The following ACYP2 variants were observed in gnomAD, a reference collection of about 807,000 sequenced individuals.
ACYP2 encodes the protein acylphosphatase 2, also known as acylphosphatase-2.
Under a neutral mutation model 11.2 loss-of-function variants are expected in ACYP2, and 12 were observed. The ratio of observed to expected loss-of-function variants is 1.08; its 90% CI spans 0.69 to 1.74. The LOEUF (loss-of-function observed/expected upper bound fraction) is 1.74, where lower values mean the gene tolerates loss of function less well. Among genes scored for constraint, ACYP2 ranks in the 40% most tolerant of loss-of-function variants. The pLI is 0.00. For synonymous variants in ACYP2, 43 were observed against 32.2 expected (o/e 1.33, Z -1.13); for missense variants, 134 against 101.9 (o/e 1.31, Z -1.35).
At chr2:54,105,324 G>C (rs940974422) in intron 4 of ACYP2, among the ~76,000 whole-genome samples, 1 of 152,110 alleles carries the variant, frequency 6.6e-6, no homozygotes, top group Non-Finnish European at 1.5e-5. Context: ...GGAAACTCGA[G>C]CTTTCTACAT....
intron 6 of ACYP2, among the ~76,000 whole-genome samples, chr2:54,287,612 C>T (rs1293740249): frequency 6.6e-6 from 1 of 151,960 alleles, no homozygotes; most frequent in Non-Finnish European, 1.5e-5. Context: ...TGTGACAACA[C>T]ACACATAAAA....
At chr2:54,075,628 T>C (rs1029771569) in intron 4 of ACYP2, among the ~76,000 whole-genome samples, 5 of 150,906 alleles carry the variant, frequency 3.3e-5, no homozygotes, top group Non-Finnish European at 7.4e-5. Context: ...GCGTGGCCAA[T>C]ATGGTGAAAC....
At chr2:54,255,060 C>A in intron 6 of ACYP2, 2 of 1,614,174 alleles carry the variant, frequency 1.2e-6, no homozygotes, top group Non-Finnish European at 1.7e-6. Flanking sequence ...TCTGAGCAAT[C>A]CTGTCGGACT....
At chr2:54,072,507 C>CTTTTTT (rs751029811) in intron 4 of ACYP2, among the ~76,000 whole-genome samples, 3,828 of 83,490 alleles carry the variant, frequency 0.046, 74 homozygotes, top group South Asian at 0.11. Context: ...TTCTCTCTCT[C>CTTTTTT]TCTCTTTCTT....
chr2:54,005,952 TCATAAA>T, intron 2 of ACYP2, among the ~76,000 whole-genome samples: 1 of 152,182 alleles, frequency 6.6e-6, no homozygotes, highest in South Asian at 2.1e-4. Context: ...GTTTTCGTAA[TCATAAA>T]CATGGTGTAT....
At chr2:54,007,546 C>G (rs953188567) in intron 2 of ACYP2, among the ~76,000 whole-genome samples, 1 of 152,062 alleles carries the variant, frequency 6.6e-6, no homozygotes, top group African/African-American at 2.4e-5. Flanking sequence ...AGCCACCGTG[C>G]CAGCCTTTCA....
At chr2:54,129,798 TAA>T (rs1218353517) in intron 4 of ACYP2, among the ~76,000 whole-genome samples, 5 of 148,872 alleles carry the variant, frequency 3.4e-5, no homozygotes, top group African/African-American at 1.2e-4. Flanking sequence ...AAAGTAAACT[TAA>T]AGTCTAATAA....
At chr2:54,190,398 G>T (rs1684191887) in intron 6 of ACYP2, among the ~76,000 whole-genome samples, 2 of 151,286 alleles carry the variant, frequency 1.3e-5, no homozygotes, top group South Asian at 4.2e-4. Flanking sequence ...GTCTCTCATT[G>T]TCTCCCCTTT....
chr2:54,078,930 T>C (rs944082350), intron 4 of ACYP2, among the ~76,000 whole-genome samples: 3 of 152,166 alleles, frequency 2.0e-5, no homozygotes, highest in African/African-American at 7.2e-5. Context: ...ATGTCAAAAA[T>C]TTCATTTTGC....
At chr2:54,112,515 G>A (rs1231689911) in intron 4 of ACYP2, among the ~76,000 whole-genome samples, 2 of 152,164 alleles carry the variant, frequency 1.3e-5, no homozygotes. Flanking sequence ...TTAAAAATAT[G>A]TGGGAAGGAA....
At chr2:54,192,424 A>G (rs1039310735) in intron 6 of ACYP2, among the ~76,000 whole-genome samples, 1 of 152,100 alleles carries the variant, frequency 6.6e-6, no homozygotes, top group African/African-American at 2.4e-5. Context: ...TGTCAACCTT[A>G]TGGTGCTTTT....
chr2:54,110,595 T>C (rs1302825456), intron 4 of ACYP2, among the ~76,000 whole-genome samples: 1 of 152,194 alleles, frequency 6.6e-6, no homozygotes, highest in Admixed American at 6.5e-5. Flanking sequence ...CATTTTGAGA[T>C]GAGGTGCTAA....
intron 6 of ACYP2, among the ~76,000 whole-genome samples, chr2:54,283,667 T>C (rs1027281806): frequency 6.6e-6 from 1 of 152,228 alleles, no homozygotes; most frequent in Admixed American, 6.5e-5. Context: ...TTTAAGTATA[T>C]TTTAACATTT....
At chr2:54,053,411 C>G (rs937216616) in intron 3 of ACYP2, among the ~76,000 whole-genome samples, 1 of 152,186 alleles carries the variant, frequency 6.6e-6, no homozygotes, top group African/African-American at 2.4e-5. Context: ...CACCAGCACC[C>G]TCAGTGGCAG....
intron 4 of ACYP2, among the ~76,000 whole-genome samples, chr2:54,097,883 T>TCC (rs1357866557): frequency 3.4e-5 from 4 of 116,638 alleles, no homozygotes; most frequent in African/African-American, 1.6e-4. Flanking sequence ...TCTCTCTCTC[T>TCC]CTCCCCTCCC....
At chr2:54,090,383 C>G (rs1227923452) in intron 4 of ACYP2, among the ~76,000 whole-genome samples, 1 of 152,132 alleles carries the variant, frequency 6.6e-6, no homozygotes, top group Non-Finnish European at 1.5e-5. Flanking sequence ...GTAATCCCAG[C>G]ACTTTGGGAG....
At chr2:54,045,373 T>C (rs1675460144) in intron 2 of ACYP2, among the ~76,000 whole-genome samples, 1 of 152,190 alleles carries the variant, frequency 6.6e-6, no homozygotes, top group Non-Finnish European at 1.5e-5. Flanking sequence ...AACCCTCCTG[T>C]CTCAGTGTAT....
At chr2:54,185,870 C>T (rs529950497) in intron 6 of ACYP2, among the ~76,000 whole-genome samples, 40 of 151,924 alleles carry the variant, frequency 2.6e-4, no homozygotes, top group African/African-American at 8.4e-4. Context: ...GGTGTAGGAT[C>T]GTCTTGAAGT....
At chr2:54,157,821 G>C (rs954131755) in intron 6 of ACYP2, among the ~76,000 whole-genome samples, 1 of 152,196 alleles carries the variant, frequency 6.6e-6, no homozygotes, top group African/African-American at 2.4e-5. Flanking sequence ...TCTAAGCTAA[G>C]AGATGCATGG....
Sources: gnomAD v4.1 joint callset for allele counts (sites outside exome capture counted in the v4.1 genomes callset) on GRCh38, gnomAD v4.1.1 for gene constraint, MANE v1.5 for transcripts, NCBI Gene and HGNC (gene_info 2026-07-23, HGNC 2026-07-21) for gene names.